The following SASH1 variants were observed in gnomAD, a reference collection of about 807,000 sequenced individuals.
The protein encoded by SASH1 is SAM and SH3 domain-containing protein 1.
In SASH1, 44 loss-of-function variants were observed where a neutral mutation model predicts 125.2. The ratio of observed to expected loss-of-function variants is 0.35; its 90% confidence interval spans 0.28 to 0.45. The LOEUF is 0.45. Among genes scored for constraint, SASH1 ranks in the 20% least tolerant of loss-of-function variants. SASH1 has a pLI of 1.00. For missense variants in SASH1, 1,426 were observed against 1,614.5 expected, an observed-to-expected ratio of 0.88 and a Z score of 2.00; for synonymous variants, 639 against 649.1, an observed-to-expected ratio of 0.98 and a Z score of 0.24.
At chr6:148,247,619 G>A in the SASH1 span, among the ~76,000 whole-genome samples, 8 of 152,146 alleles carry the variant, frequency 5.3e-5, no homozygotes, top group Admixed American at 1.3e-4. Flanking sequence ...GTCATATCCG[G>A]GGCCTAAAAT....
chr6:148,261,751 G>A, the SASH1 span, among the ~76,000 whole-genome samples: 1 of 152,246 alleles, frequency 6.6e-6, no homozygotes, highest in African/African-American at 2.4e-5. Context: ...GACAGACAAC[G>A]GGGTTAGTGC....
intron 8 of SASH1, among the ~76,000 whole-genome samples, chr6:148,506,546 G>A (rs1017729705): frequency 6.6e-6 from 1 of 152,086 alleles, no homozygotes; most frequent in African/African-American, 2.4e-5. Context: ...AGGATTTCAG[G>A]TACGCAGTAT....
intron 1 of SASH1, among the ~76,000 whole-genome samples, chr6:148,381,359 G>A (rs1245462236): frequency 2.0e-5 from 3 of 152,174 alleles, no homozygotes; most frequent in Non-Finnish European, 4.4e-5. Flanking sequence ...CCTGTTGGAA[G>A]TAGAGGAGAG....
intron 1 of SASH1, among the ~76,000 whole-genome samples, chr6:148,304,625 T>A (rs569352918): frequency 1.4e-4 from 21 of 151,478 alleles, no homozygotes; most frequent in South Asian, 1.0e-3. Context: ...AAATAAAAAT[T>A]AAAATTAAAA....
At chr6:148,462,898 T>C (rs1262479674) in intron 4 of SASH1, among the ~76,000 whole-genome samples, 3 of 152,256 alleles carry the variant, frequency 2.0e-5, no homozygotes, top group African/African-American at 7.2e-5. Context: ...CCCAGCACGA[T>C]TGGACCTCAG....
intron 1 of SASH1, among the ~76,000 whole-genome samples, chr6:148,290,574 C>T (rs951330477): frequency 6.6e-6 from 1 of 151,980 alleles, no homozygotes; most frequent in African/African-American, 2.4e-5. Context: ...CCACTGCACT[C>T]CAGCCTGGGT....
chr6:148,421,479 T>C (rs1477490695), intron 2 of SASH1, among the ~76,000 whole-genome samples: 1 of 152,154 alleles, frequency 6.6e-6, no homozygotes, highest in Non-Finnish European at 1.5e-5. Flanking sequence ...AATTTTTGTA[T>C]TTTTAGTAGA....
chr6:148,471,337 G>A (rs147382261), intron 5 of SASH1, 80 bp from the exon 6 acceptor site: 3 of 846,652 alleles, frequency 3.5e-6, no homozygotes, highest in East Asian at 5.5e-5. Context: ...TTACAAGGAA[G>A]AGGCTACTTT....
intron 1 of SASH1, among the ~76,000 whole-genome samples, chr6:148,307,064 CTT>C (rs1206631992): frequency 6.8e-6 from 1 of 146,592 alleles, no homozygotes; most frequent in Non-Finnish European, 1.5e-5. Flanking sequence ...TTCTTTCTTT[CTT>C]TCTTTCTTTC....
the SASH1 span, among the ~76,000 whole-genome samples, chr6:148,204,189 T>C: frequency 1.3e-5 from 2 of 152,218 alleles, no homozygotes; most frequent in African/African-American, 4.8e-5. Flanking sequence ...AGGGTAACGC[T>C]TTCTACAGAT....
At chr6:148,251,835 CCCCCA>C in the SASH1 span, among the ~76,000 whole-genome samples, 1 of 104,198 alleles carries the variant, frequency 9.6e-6, no homozygotes, top group Non-Finnish European at 1.8e-5. Flanking sequence ...CTCCCCCCTC[CCCCCA>C]CCCCACAACA....
At position 148,358,353 on chromosome 6, in the gene SASH1, T is replaced by C. The variant is rs532878850; in HGVS notation, c.156+15130T>C. Among the ~76,000 whole-genome samples the C allele has an allele frequency of 2.6e-5, 4 of 152,290 alleles. No individual in the cohort carries two copies. In the South Asian group the frequency reaches 8.3e-4, roughly 32 times the overall value. On this transcript the variant is annotated intron_variant, in intron 1 of 19. Transcript: ENST00000367467. ...TTGGTTTGAATCTTGCATTTGCTGG[T>C]TGGCTCAAGAGAAGTAAGCACTGAA...
intron 1 of SASH1, among the ~76,000 whole-genome samples, chr6:148,360,374 G>C: frequency 6.8e-6 from 1 of 147,508 alleles, no homozygotes; most frequent in South Asian, 2.2e-4. Flanking sequence ...TCGAGACAGA[G>C]TCTTGCTCTG....
chr6:148,267,921 AG>A (rs1472159301), upstream of SASH1, among the ~76,000 whole-genome samples: 1 of 152,218 alleles, frequency 6.6e-6, no homozygotes, highest in African/African-American at 2.4e-5. Context: ...GAGAGTTGGA[AG>A]GGATGTTGTT....
intron 1 of SASH1, among the ~76,000 whole-genome samples, chr6:148,378,870 T>TGGAC (rs1783018974): frequency 1.3e-5 from 2 of 152,132 alleles, no homozygotes; most frequent in Non-Finnish European, 2.9e-5. Flanking sequence ...TCAGCAGCAT[T>TGGAC]AAGATTCACA....
the SASH1 span, among the ~76,000 whole-genome samples, chr6:148,244,534 C>T: frequency 3.2e-4 from 49 of 152,180 alleles, no homozygotes; most frequent in African/African-American, 1.2e-3. Context: ...GGCCAGTGTT[C>T]CTGGGTGCTA....
At chr6:148,226,061 T>G in the SASH1 span, among the ~76,000 whole-genome samples, 12 of 152,306 alleles carry the variant, frequency 7.9e-5, no homozygotes, top group African/African-American at 2.9e-4. Context: ...CCATACATAA[T>G]GTATGATTGT....
chr6:148,241,780 C>G, the SASH1 span, among the ~76,000 whole-genome samples: 1 of 152,190 alleles, frequency 6.6e-6, no homozygotes, highest in East Asian at 1.9e-4. Context: ...AACTCCTTCA[C>G]GCTTCAACCT....
intron 7 of SASH1, among the ~76,000 whole-genome samples, chr6:148,475,308 T>C (rs529833672): frequency 2.6e-4 from 40 of 152,302 alleles, no homozygotes; most frequent in Admixed American, 1.8e-3. Context: ...ACTGGGTAAT[T>C]CATCAAGAAC....
Sources: gnomAD v4.1 joint callset for allele counts (sites outside exome capture counted in the v4.1 genomes callset) on GRCh38, gnomAD v4.1.1 for gene constraint, MANE v1.5 for transcripts, NCBI Gene and HGNC (gene_info 2026-07-23, HGNC 2026-07-21) for gene names.